Variants in TRPC4 observed in about 807,000 individuals in gnomAD.
The protein encoded by TRPC4 is short transient receptor potential channel 4.
TRPC4 carries 49 observed loss-of-function variants against 99.4 expected under a neutral mutation model. The ratio of observed to expected loss-of-function variants is 0.49; its 90% confidence interval spans 0.39 to 0.63. The LOEUF (loss-of-function observed/expected upper bound fraction) is 0.63, where lower values mean the gene tolerates loss of function less well. Ranked by LOEUF, TRPC4 falls within the 20% of genes least tolerant of loss-of-function variation. TRPC4 has a pLI of 0.00. For missense variants in TRPC4, 898 were observed against 1,152.9 expected (o/e 0.78, Z 3.20); for synonymous variants, 454 against 425.9 (o/e 1.07, Z -0.81).
intron 2 of TRPC4, among the ~76,000 whole-genome samples, chr13:37,780,727 T>C (rs909141926): frequency 6.6e-6 from 1 of 151,100 alleles, no homozygotes; most frequent in Non-Finnish European, 1.5e-5. Context: ...TTGTGTGCTA[T>C]GCACGTTTCA....
At chr13:37,704,931 C>G (rs1034446995) in intron 3 of TRPC4, among the ~76,000 whole-genome samples, 1 of 152,216 alleles carries the variant, frequency 6.6e-6, no homozygotes, top group East Asian at 1.9e-4. Context: ...TATGGTCCAG[C>G]AATCCCACTA....
intron 1 of TRPC4, among the ~76,000 whole-genome samples, chr13:37,823,730 G>A (rs1958099606): frequency 6.7e-6 from 1 of 148,202 alleles, no homozygotes; most frequent in Non-Finnish European, 1.5e-5. Flanking sequence ...TGTTCTTTTG[G>A]CTTAGGATTG....
chr13:37,809,525 A>G (rs1412702333), intron 1 of TRPC4, among the ~76,000 whole-genome samples: 1 of 151,808 alleles, frequency 6.6e-6, no homozygotes, highest in Non-Finnish European at 1.5e-5. Context: ...CTACCAGAGT[A>G]ATTCCACCTA....
intron 4 of TRPC4, among the ~76,000 whole-genome samples, chr13:37,691,384 A>G (rs1198042218): frequency 2.0e-5 from 3 of 152,174 alleles, no homozygotes; most frequent in Admixed American, 1.3e-4. Context: ...GATTACAGGC[A>G]TGAGCCACTG....
rs13378266 is a variant in TRPC4, at chr13:37,865,485, A to G, written c.-28+4110T>C. Among the ~76,000 whole-genome samples, 608 of 151,756 alleles carry G rather than the reference A, an allele frequency of 4.0e-3. 4 individuals are homozygous for G. The highest frequency in any genetic ancestry group is 0.014 in the African/African-American group (576 of 41,544). On this transcript the variant is annotated intron_variant, in intron 1 of 10. Transcript: ENST00000379705. ...TTTACATGTATTAGATTTATATTTA[A>G]GAATAAGAAAGGAAGTCATTTTGAG...
chr13:37,812,202 G>A lies in TRPC4; in HGVS notation c.-27-28842C>T, dbSNP rs2762069. ...AAAAAAAAAAAAAAAAAAACCAGGA[G>A]ATCTAATTGCTTCAAGTAAATTAAC... is the stretch of plus-strand genomic sequence containing the variant. On this transcript the variant is annotated intron_variant, in intron 1 of 10. Transcript: ENST00000379705. Among the ~76,000 whole-genome samples, 593 of 68,256 alleles carry A rather than the reference G, an allele frequency of 8.7e-3. 9 individuals carry two copies. Among genetic ancestry groups the A allele is most frequent in the African/African-American group, 0.034 (574 of 17,106 alleles). The allele number at this position is 68,256 out of a possible 152,430, so 44.8% of individuals were successfully genotyped here.
chr13:37,763,380 T>A (rs1956275847), intron 2 of TRPC4, among the ~76,000 whole-genome samples: 1 of 151,576 alleles, frequency 6.6e-6, no homozygotes, highest in South Asian at 2.1e-4. Flanking sequence ...TTGGTTCTAT[T>A]TTCTTAGTAA....
At chr13:37,706,668 C>T (rs1410686300) in intron 3 of TRPC4, among the ~76,000 whole-genome samples, 1 of 151,132 alleles carries the variant, frequency 6.6e-6, no homozygotes, top group Non-Finnish European at 1.5e-5. Flanking sequence ...GCGATGTTCC[C>T]CTTCCTGTGT....
intron 4 of TRPC4, among the ~76,000 whole-genome samples, chr13:37,687,373 G>A (rs1953519386): frequency 6.6e-6 from 1 of 152,014 alleles, no homozygotes; most frequent in Non-Finnish European, 1.5e-5. Context: ...ACTTTTTTGT[G>A]CAAAGGGATA....
At chr13:37,710,575 A>C (rs1042487481) in intron 3 of TRPC4, among the ~76,000 whole-genome samples, 2 of 151,908 alleles carry the variant, frequency 1.3e-5, no homozygotes, top group Non-Finnish European at 2.9e-5. Context: ...TTTCACATCA[A>C]AGAGAAAGAC....
At chr13:37,707,523 T>C (rs531296897) in intron 3 of TRPC4, among the ~76,000 whole-genome samples, 1 of 152,300 alleles carries the variant, frequency 6.6e-6, no homozygotes, top group African/African-American at 2.4e-5. Flanking sequence ...GTTACGTATA[T>C]ACAATCTGAT....
chr13:37,732,264 G>A (rs141549453), intron 3 of TRPC4, among the ~76,000 whole-genome samples: 44 of 152,244 alleles, frequency 2.9e-4, no homozygotes, highest in African/African-American at 1.0e-3. Flanking sequence ...CCTGATAAAT[G>A]AGGGGAAATT....
At chr13:37,679,222 C>G (rs974470253) in intron 4 of TRPC4, among the ~76,000 whole-genome samples, 1 of 151,982 alleles carries the variant, frequency 6.6e-6, no homozygotes, top group South Asian at 2.1e-4. Context: ...ATATCAGGGC[C>G]GTAGTTTGCT....
At chr13:37,843,596 A>C (rs1593303444) in intron 1 of TRPC4, among the ~76,000 whole-genome samples, 1 of 152,110 alleles carries the variant, frequency 6.6e-6, no homozygotes. Context: ...TAATATATCA[A>C]CTGCTTAATG....
chr13:37,670,083 T>C (rs1952785067), intron 5 of TRPC4, among the ~76,000 whole-genome samples: 1 of 151,708 alleles, frequency 6.6e-6, no homozygotes, highest in Non-Finnish European at 1.5e-5. Flanking sequence ...ACCAGGTGAA[T>C]GTGACCAACC....
chr13:37,732,482 G>GA (rs1955269827), intron 3 of TRPC4, among the ~76,000 whole-genome samples: 1 of 151,664 alleles, frequency 6.6e-6, no homozygotes, highest in East Asian at 1.9e-4. Flanking sequence ...TTAGGCAAAA[G>GA]AAAAAAATAA....
At chr13:37,717,376 G>T (rs1405152449) in intron 3 of TRPC4, among the ~76,000 whole-genome samples, 1 of 152,170 alleles carries the variant, frequency 6.6e-6, no homozygotes, top group Non-Finnish European at 1.5e-5. Flanking sequence ...GACATAGGTT[G>T]TATTTTACAC....
chr13:37,663,320 T>C lies in TRPC4; in HGVS notation c.1688+96A>G, dbSNP rs1952516898. The C allele has an allele frequency of 4.1e-6, 5 of 1,230,598 alleles. No homozygotes were observed. In the South Asian group the frequency reaches 6.8e-5, roughly 17 times the overall value. The allele number at this position is 1,230,598 out of a possible 1,614,324, so 76.2% of individuals were successfully genotyped here. A position where few individuals can be genotyped will look rare whatever the true frequency, so the allele number is the denominator to read the frequency against. ...TAAGCACAATTTTAGTTCCCCATTT[T>C]CTTTACAACCATTTGTCATAGGTTT... On this transcript the variant is annotated intron_variant, in intron 6 of 10. Coordinates refer to ENST00000379705, the MANE Select transcript of TRPC4 (RefSeq NM_016179.4).
At chr13:37,862,761 C>G (rs1959460668) in intron 1 of TRPC4, among the ~76,000 whole-genome samples, 1 of 151,550 alleles carries the variant, frequency 6.6e-6, no homozygotes, top group Non-Finnish European at 1.5e-5. Flanking sequence ...TTGTTCATCT[C>G]TGTATCCTCA....
Sources: gnomAD v4.1 joint callset for allele counts (sites outside exome capture counted in the v4.1 genomes callset) on GRCh38, gnomAD v4.1.1 for gene constraint, MANE v1.5 for transcripts, NCBI Gene and HGNC (gene_info 2026-07-23, HGNC 2026-07-21) for gene names.